Variants in RGS7BP observed in about 807,000 individuals in gnomAD.
The protein encoded by RGS7BP is regulator of G protein signaling 7-binding protein.
In RGS7BP, 9 loss-of-function variants were observed where a neutral mutation model predicts 31.3. The ratio of observed to expected loss-of-function variants is 0.29; its 90% CI spans 0.17 to 0.50. The LOEUF (loss-of-function observed/expected upper bound fraction) is 0.50. Among genes scored for constraint, RGS7BP ranks in the 20% least tolerant of loss-of-function variants. The pLI, the probability that RGS7BP is intolerant of heterozygous loss-of-function variation, is 0.98. For missense variants in RGS7BP, 274 were observed against 322.0 expected, an observed-to-expected ratio of 0.85 and a Z score of 1.14; for synonymous variants, 115 against 120.1, an observed-to-expected ratio of 0.96 and a Z score of 0.28.
At chr5:64,560,353 C>T (rs957175506) in intron 2 of RGS7BP, among the ~76,000 whole-genome samples, 5 of 152,058 alleles carry the variant, frequency 3.3e-5, no homozygotes, top group African/African-American at 9.7e-5. Flanking sequence ...GCCCTGCATT[C>T]TGTGGTTTAA....
intron 2 of RGS7BP, among the ~76,000 whole-genome samples, chr5:64,535,610 A>G (rs1012213177): frequency 6.6e-6 from 1 of 152,246 alleles, no homozygotes; most frequent in Non-Finnish European, 1.5e-5. Flanking sequence ...TCCAACATAG[A>G]GAGCTTCAAT....
chr5:64,512,399 G>A (rs1561318111), intron 2 of RGS7BP, among the ~76,000 whole-genome samples: 1 of 152,292 alleles, frequency 6.6e-6, no homozygotes, highest in South Asian at 2.1e-4. Context: ...GTCTGGTATC[G>A]TGGTTAAGTG....
In RGS7BP at chr5:64,594,696, C is replaced by G; in HGVS notation, c.464-14C>G. On this transcript the variant is annotated splice_polypyrimidine_tract_variant and intron_variant, in intron 3 of 5. Coordinates refer to ENST00000334025, the MANE Select transcript of RGS7BP (RefSeq NM_001029875.3). ...TTTTTCCTCTTCTCTTTACCAACAC[C>G]CTCCCTCCCTTAGGAAAGGAACCTG... is the stretch of plus-strand genomic sequence containing the variant. The G allele has an allele frequency of 6.2e-7, 1 of 1,613,074 alleles. No individual in the cohort carries two copies. Among genetic ancestry groups the G allele is most frequent in the Non-Finnish European group, 8.5e-7 (1 of 1,179,270 alleles).
intron 2 of RGS7BP, among the ~76,000 whole-genome samples, chr5:64,521,340 C>A (rs111755642): frequency 9.2e-5 from 14 of 152,202 alleles, no homozygotes; most frequent in African/African-American, 3.4e-4. Context: ...TCACTGCAAC[C>A]TCCGTCTCCC....
chr5:64,563,707 C>T (rs1339881416), intron 2 of RGS7BP, among the ~76,000 whole-genome samples: 1 of 152,102 alleles, frequency 6.6e-6, no homozygotes, highest in African/African-American at 2.4e-5. Flanking sequence ...CTGATTAAGC[C>T]ACCTAGTTTG....
intron 2 of RGS7BP, among the ~76,000 whole-genome samples, chr5:64,517,476 A>C (rs1749006584): frequency 6.6e-6 from 1 of 152,192 alleles, no homozygotes; most frequent in Admixed American, 6.5e-5. Context: ...CCACTTCCTC[A>C]AACTGGTCTA....
At chr5:64,545,850 T>C (rs1394570071) in intron 2 of RGS7BP, among the ~76,000 whole-genome samples, 2 of 151,970 alleles carry the variant, frequency 1.3e-5, no homozygotes, top group Non-Finnish European at 2.9e-5. Flanking sequence ...GAAATCAAAG[T>C]GGAAATGCCT....
intron 5 of RGS7BP, among the ~76,000 whole-genome samples, chr5:64,604,261 A>G (rs1743297019): frequency 6.6e-6 from 1 of 152,122 alleles, no homozygotes; most frequent in Non-Finnish European, 1.5e-5. Context: ...GTGGCCCAGC[A>G]TGAACTCCCA....
rs1201201992 is a variant in RGS7BP, at chr5:64,555,048, G to A, written c.333-20726G>A. Among the ~76,000 whole-genome samples, 6 of 152,142 alleles carry A rather than the reference G, an allele frequency of 3.9e-5. No homozygotes were observed. The East Asian group carries it at 9.6e-4, about 24-fold the overall frequency. On this transcript the variant is annotated intron_variant, in intron 2 of 5. Coordinates refer to ENST00000334025, the MANE Select transcript of RGS7BP (RefSeq NM_001029875.3). The stretch of plus-strand genomic sequence containing the variant: ...AGGGATTAAGAAGACATGAAGACCA[G>A]AATGAGAAGATCCAACATATTTCTA...
chr5:64,530,886 A>G (rs1749354099), intron 2 of RGS7BP, among the ~76,000 whole-genome samples: 1 of 152,174 alleles, frequency 6.6e-6, no homozygotes, highest in Non-Finnish European at 1.5e-5. Flanking sequence ...AACAAGAGAA[A>G]AGGGGTTGGA....
chr5:64,528,155 G>A (rs1033589038), intron 2 of RGS7BP, among the ~76,000 whole-genome samples: 1 of 152,162 alleles, frequency 6.6e-6, no homozygotes, highest in Admixed American at 6.5e-5. Flanking sequence ...CGAAGATCTA[G>A]GGAGAAGACG....
At position 64,609,475 on chromosome 5, in the gene RGS7BP, A is replaced by G. The variant is rs1743449725; in HGVS notation, c.*223A>G. Reference sequence around the variant, plus strand: ...ATTCAAAAACCAGGCTGTTTTTAAAAGGGAATTTTAAAGCTGACATTGTGC... The same window carrying G: ...ATTCAAAAACCAGGCTGTTTTTAAAGGGGAATTTTAAAGCTGACATTGTGC... On this transcript the variant is annotated 3_prime_UTR_variant, in exon 6 of 6. Transcript: ENST00000334025. 3 of 527,346 alleles carry G rather than the reference A, an allele frequency of 5.7e-6. No homozygotes were observed. Among genetic ancestry groups the G allele is most frequent in the East Asian group, 3.1e-5 (1 of 32,436 alleles). The allele number at this position is 527,346 out of a possible 1,614,324, so 32.7% of individuals were successfully genotyped here. A position where few individuals can be genotyped will look rare whatever the true frequency, so the allele number is the denominator to read the frequency against.
chr5:64,577,148 C>A (rs761306256), intron 3 of RGS7BP, among the ~76,000 whole-genome samples: 15 of 152,266 alleles, frequency 9.9e-5, no homozygotes, highest in Non-Finnish European at 2.1e-4. Context: ...CTTGTAAAAA[C>A]CAAATCTTGG....
chr5:64,525,707 G>A (rs1749216097), intron 2 of RGS7BP, among the ~76,000 whole-genome samples: 1 of 152,122 alleles, frequency 6.6e-6, no homozygotes, highest in African/African-American at 2.4e-5. Flanking sequence ...CAGATCTCCT[G>A]ACTTCTAGCC....
chr5:64,601,435 A>G, intron 5 of RGS7BP: 1 of 983,746 alleles, frequency 1.0e-6, no homozygotes, highest in Non-Finnish European at 1.2e-6. Context: ...GGTTTACTTT[A>G]AATCAACTTT....
At chr5:64,564,286 C>T (rs1399658027) in intron 2 of RGS7BP, among the ~76,000 whole-genome samples, 2 of 152,102 alleles carry the variant, frequency 1.3e-5, no homozygotes, top group Non-Finnish European at 2.9e-5. Context: ...TTCCAAAGTT[C>T]TATTTTTAGA....
intron 2 of RGS7BP, among the ~76,000 whole-genome samples, chr5:64,534,386 T>C (rs931154048): frequency 3.9e-5 from 6 of 152,068 alleles, no homozygotes; most frequent in Admixed American, 3.3e-4. Flanking sequence ...CACTGGAGGA[T>C]GAGATTTATG....
rs533098142 is a variant in RGS7BP, at chr5:64,528,145, C to T, written c.332+20268C>T. Among the ~76,000 whole-genome samples, 25 of 152,222 alleles carry T rather than the reference C, an allele frequency of 1.6e-4. No individual in the cohort carries two copies. In the South Asian group the frequency reaches 4.8e-3, roughly 29 times the overall value. On this transcript the variant is annotated intron_variant, in intron 2 of 5. Transcript: ENST00000334025. The stretch of plus-strand genomic sequence containing the variant: ...TTGTTCATCTTCCTGATTTGAAGAC[C>T]GAAGATCTAGGGAGAAGACGGAGAA...
At chr5:64,509,045 AT>A (rs961950710) in intron 2 of RGS7BP, among the ~76,000 whole-genome samples, 2 of 152,192 alleles carry the variant, frequency 1.3e-5, no homozygotes, top group Non-Finnish European at 2.9e-5. Flanking sequence ...ACCATATTTT[AT>A]TTAGTAAAAA....
Sources: gnomAD v4.1 joint callset for allele counts (sites outside exome capture counted in the v4.1 genomes callset) on GRCh38, gnomAD v4.1.1 for gene constraint, MANE v1.5 for transcripts, NCBI Gene and HGNC (gene_info 2026-07-23, HGNC 2026-07-21) for gene names.